The following ERCC1 variants were observed in gnomAD, a reference collection of about 807,000 sequenced individuals.
ERCC1 encodes the protein ERCC excision repair 1, endonuclease non-catalytic subunit, also known as DNA excision repair protein ERCC-1.
ERCC1 carries 36 observed loss-of-function variants against 37.6 expected under a neutral mutation model. That is an observed-to-expected ratio of 0.96 (90% CI 0.73 to 1.26). ERCC1 has a LOEUF of 1.26. Ranked by LOEUF, ERCC1 falls within the 50% of genes most tolerant of loss-of-function variation. The pLI, the probability that ERCC1 is intolerant of heterozygous loss-of-function variation, is 0.00. For synonymous variants in ERCC1, 156 were observed against 162.1 expected, an observed-to-expected ratio of 0.96 and a Z score of 0.28; for missense variants, 349 against 376.5, an observed-to-expected ratio of 0.93 and a Z score of 0.60.
upstream of ERCC1, among the ~76,000 whole-genome samples, chr19:45,424,773 C>T (rs985352545): frequency 2.2e-4 from 34 of 152,112 alleles, no homozygotes; most frequent in Non-Finnish European, 3.4e-4. Context: ...CTAGTTTCTA[C>T]TTTGGGCTTT....
chr19:45,422,345 T>G (rs537205353), intron 2 of ERCC1, among the ~76,000 whole-genome samples: 1 of 152,196 alleles, frequency 6.6e-6, no homozygotes, highest in South Asian at 2.1e-4. Flanking sequence ...CGGCAGGCTC[T>G]CTCTGACCTC....
At chr19:45,440,144 C>G (rs1975083367) in intron 1 of ERCC1, among the ~76,000 whole-genome samples, 1 of 151,926 alleles carries the variant, frequency 6.6e-6, no homozygotes, top group Non-Finnish European at 1.5e-5. Flanking sequence ...CGCCGCTAGC[C>G]TGGCTGCCTT....
chr19:45,447,267 CTTCT>C (rs1391310717), intron 1 of ERCC1, among the ~76,000 whole-genome samples: 1 of 138,186 alleles, frequency 7.2e-6, no homozygotes, highest in African/African-American at 2.9e-5. Flanking sequence ...CACAGATTTG[CTTCT>C]TTTTTTTTTT....
chr19:45,444,129 C>G (rs1247855425), intron 1 of ERCC1, among the ~76,000 whole-genome samples: 2 of 150,938 alleles, frequency 1.3e-5, no homozygotes, highest in Admixed American at 1.3e-4. Flanking sequence ...TCCCTAGCCC[C>G]CGACTCACCC....
Position 45,439,402 on chromosome 19 carries a change from A to G in ERCC1, c.-7-16021T>C, listed in dbSNP as rs1354118633. On this transcript the variant is annotated intron_variant, in intron 1 of 8. Coordinates refer to the ERCC1 transcript ENST00000423698. ...TCAGATTTAAAAAAATAATAATAGT[A>G]GTTAATAATAATAGGCCGGGTGCAG... Among the ~76,000 whole-genome samples the G allele has an allele frequency of 2.0e-5, 3 of 152,036 alleles. No homozygotes were observed. In the East Asian group the frequency reaches 5.8e-4, roughly 29 times the overall value.
chr19:45,450,996 C>A (rs558067736), intron 1 of ERCC1, among the ~76,000 whole-genome samples: 1 of 151,484 alleles, frequency 6.6e-6, no homozygotes, highest in African/African-American at 2.4e-5. Flanking sequence ...GTGGCGCGGC[C>A]GCACAGGGCG....
chr19:45,408,539 G>A lies in ERCC1; in HGVS notation c.*1136C>T, dbSNP rs1371096615. On this transcript the variant is annotated 3_prime_UTR_variant, in exon 10 of 10. Coordinates refer to ENST00000300853, the MANE Select transcript of ERCC1 (RefSeq NM_001983.4). ...AGAGGCCCCAGTCACTCAGGAGGCA[G>A]TGAATGGGCACGGGGCCCTGGAGGT... is the stretch of plus-strand genomic sequence containing the variant. The A allele has an allele frequency of 2.5e-6, 4 of 1,614,084 alleles. No individual in the cohort carries two copies. The highest frequency in any genetic ancestry group is 1.7e-5 in the Admixed American group (1 of 60,026).
chr19:45,444,448 G>GGCCCC (rs1488882539), intron 1 of ERCC1, among the ~76,000 whole-genome samples: 2 of 151,920 alleles, frequency 1.3e-5, no homozygotes, highest in Non-Finnish European at 2.9e-5. Flanking sequence ...CCAGGCAACA[G>GGCCCC]GCCCCGCCCC....
upstream of ERCC1, among the ~76,000 whole-genome samples, chr19:45,426,506 G>A (rs1326440239): frequency 2.0e-5 from 3 of 148,980 alleles, no homozygotes; most frequent in Non-Finnish European, 3.0e-5. Flanking sequence ...AGCTGAGATC[G>A]CACCATTGCA....
At chr19:45,444,958 T>C (rs1966897240) in intron 1 of ERCC1, among the ~76,000 whole-genome samples, 1 of 152,320 alleles carries the variant, frequency 6.6e-6, no homozygotes, top group Admixed American at 6.5e-5. Context: ...GACCCAGAGC[T>C]TGTAGCACAA....
upstream of ERCC1, chr19:45,424,263 C>T (rs1366584738): frequency 6.1e-6 from 1 of 163,086 alleles, no homozygotes; most frequent in Non-Finnish European, 1.3e-5. Context: ...CCTCTCTTCC[C>T]GGTCCTGTGC....
chr19:45,413,541 G>A (rs370200682), intron 9 of ERCC1, 136 bp downstream of exon 9: 11 of 1,602,164 alleles, frequency 6.9e-6, no homozygotes, highest in African/African-American at 5.4e-5. Context: ...CTCCCAAAAT[G>A]TTGGGATTAC....
At chr19:45,428,112 C>T (rs536627138), upstream of ERCC1, among the ~76,000 whole-genome samples, 2 of 116,342 alleles carry the variant, frequency 1.7e-5, no homozygotes, top group South Asian at 5.4e-4. Flanking sequence ...GAGACGGAGT[C>T]TCTCTCTGTC....
chr19:45,426,053 G>A (rs1373755538), upstream of ERCC1, among the ~76,000 whole-genome samples: 1 of 151,720 alleles, frequency 6.6e-6, no homozygotes, highest in East Asian at 1.9e-4. Flanking sequence ...AGACCAGCCT[G>A]ACCAACATGG....
chr19:45,424,057 G>T (rs3212931), upstream of ERCC1: 24,995 of 1,043,624 alleles, frequency 0.024, 382 homozygotes, highest in Non-Finnish European at 0.026. Context: ...AAACTGTTAA[G>T]TTTCAAAGCC....
intron 2 of ERCC1, 120 bp downstream of exon 2, chr19:45,423,135 ACCAAGGACTGTTTCC>A: frequency 1.2e-6 from 1 of 813,320 alleles, no homozygotes; most frequent in Non-Finnish European, 2.0e-6. Flanking sequence ...CCTGGGGAGG[ACCAAGGACTGTTTCC>A]CCAAGTCGTC....
chr19:45,423,408 T>A (rs1404572007), intron 1 of ERCC1, 27 bp from the exon 2 acceptor site: 4 of 1,589,246 alleles, frequency 2.5e-6, no homozygotes. Context: ...CAGGAGCGAG[T>A]GAGCCACTGG....
At chr19:45,440,979 G>A (rs142640701) in intron 1 of ERCC1, among the ~76,000 whole-genome samples, 2 of 152,146 alleles carry the variant, frequency 1.3e-5, no homozygotes, top group African/African-American at 4.8e-5. Context: ...CTGGCCTCAA[G>A]CTATCCTCTG....
rs371720022 is a variant in ERCC1, at chr19:45,415,010, G to A, written c.603-50C>T. 6 of 1,413,444 alleles carry A rather than the reference G, an allele frequency of 4.2e-6. No homozygotes were observed. The African/African-American group carries it at 5.6e-5, about 13-fold the overall frequency. The allele number at this position is 1,413,444 out of a possible 1,614,324, so 87.6% of individuals were successfully genotyped here. A position where few individuals can be genotyped will look rare whatever the true frequency, so the allele number is the denominator to read the frequency against. On this transcript the variant is annotated intron_variant, in intron 6 of 9. Coordinates refer to ENST00000300853, the MANE Select transcript of ERCC1 (RefSeq NM_001983.4). ...CCGGGAGGTGAGGTATCAGATTATA[G>A]ATTTGCTTCATTATGGTCAGTCATA...
Sources: allele counts gnomAD v4.1 joint callset (sites outside exome capture counted in the v4.1 genomes callset), GRCh38; gene constraint gnomAD v4.1.1; transcripts MANE v1.5; gene names NCBI Gene and HGNC (gene_info 2026-07-23, HGNC 2026-07-21).